MIER2: variants seen among roughly 807,000 people sequenced by gnomAD.
MIER2 encodes mesoderm induction early response protein 2.
MIER2 carries 30 observed loss-of-function variants against 67.6 expected under a neutral mutation model. The ratio of observed to expected loss-of-function variants is 0.44; its 90% confidence interval spans 0.33 to 0.60. MIER2 has a LOEUF of 0.60. MIER2 is among the 20% of genes least tolerant of loss of function. MIER2 has a pLI of 0.02. For synonymous variants in MIER2, 372 were observed against 312.6 expected (o/e 1.19, Z -2.00); for missense variants, 702 against 745.1 (o/e 0.94, Z 0.67).
At position 342,474 on chromosome 19, in the gene MIER2, A is replaced by G. The variant is rs114612431; in HGVS notation, c.9+2300T>C. 5.7e-3 allele frequency among the ~76,000 whole-genome samples: 860 copies of G among 152,020 alleles called. 8 individuals carry two copies. Among genetic ancestry groups the G allele is most frequent in the African/African-American group, 0.019 (807 of 41,440 alleles). ...AGCCCAGGGCCCTAGAGTAGGGGGCAGATCCGTGGGGACCACCTCACAGGG... is the reference window on the plus strand; with the variant it reads ...AGCCCAGGGCCCTAGAGTAGGGGGCGGATCCGTGGGGACCACCTCACAGGG... On this transcript the variant is annotated intron_variant, in intron 1 of 13. Coordinates refer to ENST00000264819, the MANE Select transcript of MIER2 (RefSeq NM_017550.3).
At chr19:319,314 A>G (rs1197502766) in intron 7 of MIER2, among the ~76,000 whole-genome samples, 1 of 151,622 alleles carries the variant, frequency 6.6e-6, no homozygotes, top group Non-Finnish European at 1.5e-5. Flanking sequence ...GTGAGTCAAT[A>G]TTGCACCACT....
intron 3 of MIER2, among the ~76,000 whole-genome samples, chr19:333,960 G>T (rs1972131403): frequency 6.6e-6 from 1 of 152,234 alleles, no homozygotes; most frequent in East Asian, 1.9e-4. Context: ...CCAAAGTGCT[G>T]GGATTACAGG....
intron 7 of MIER2, among the ~76,000 whole-genome samples, chr19:317,730 CAA>C (rs10710807): frequency 2.1e-4 from 18 of 84,318 alleles, no homozygotes; most frequent in South Asian, 3.5e-4. Flanking sequence ...GACTCTGTCT[CAA>C]AAAAAAAAAA....
chr19:334,209 G>A (rs907437296), intron 3 of MIER2, 191 bp downstream of exon 3: 19 of 725,548 alleles, frequency 2.6e-5, no homozygotes, highest in Non-Finnish European at 3.8e-5. Context: ...CTTGACCACC[G>A]TGCTGCTCAG....
chr19:334,381 G>T lies in MIER2; in HGVS notation c.243+19C>A. ...AGGGCTCCACCCAACACAGGGGCAG[G>T]ATCACCTTGGCCAAGTACCTGGGAG... On this transcript the variant is annotated intron_variant, in intron 3 of 13. Coordinates refer to ENST00000264819, the MANE Select transcript of MIER2 (RefSeq NM_017550.3). 1 of 1,613,790 alleles carries T rather than the reference G, an allele frequency of 6.2e-7. No homozygotes were observed. The highest frequency in any genetic ancestry group is 1.1e-5 in the South Asian group (1 of 91,052).
At chr19:323,761 C>A (rs1023551140) in intron 7 of MIER2, among the ~76,000 whole-genome samples, 2 of 151,242 alleles carry the variant, frequency 1.3e-5, no homozygotes, top group African/African-American at 4.9e-5. Context: ...ATGCAATACA[C>A]AGGACACACA....
chr19:315,589 C>CT (rs1356045369), intron 7 of MIER2, among the ~76,000 whole-genome samples: 1 of 152,186 alleles, frequency 6.6e-6, no homozygotes, highest in African/African-American at 2.4e-5. Flanking sequence ...CACTGAACAG[C>CT]TTTTTTACCA....
intron 7 of MIER2, among the ~76,000 whole-genome samples, chr19:316,186 C>T (rs1230984683): frequency 6.6e-6 from 1 of 152,146 alleles, no homozygotes; most frequent in Non-Finnish European, 1.5e-5. Flanking sequence ...GGAAGTTCTT[C>T]CGGCTGAAGG....
In MIER2 at chr19:334,481, G is replaced by A. The variant is rs937578332; in HGVS notation, c.162C>T (p.Tyr54=). 6.2e-7 allele frequency: 1 copy of A among 1,614,048 alleles called. No homozygotes were observed. The highest frequency in any genetic ancestry group is 1.3e-5 in the African/African-American group (1 of 74,924). The stretch of plus-strand genomic sequence containing the variant: ...CCTCCTCGCACTCCCCCCTAACACT[G>A]TAGTTCTGTGACAGGATCTCTGCGA... ...FNLAEILSQN[Y]SVRGECEEAS... Residue 54 remains tyrosine, a synonymous_variant, in exon 3 of 14, where the codon TAC becomes TAT. Transcript: ENST00000264819.
intron 7 of MIER2, among the ~76,000 whole-genome samples, chr19:325,295 C>A (rs1971689169): frequency 6.6e-6 from 1 of 152,326 alleles, no homozygotes; most frequent in African/African-American, 2.4e-5. Context: ...ACCATCTAAC[C>A]CGGCACAGAG....
chr19:316,937 C>T (rs1027157024), intron 7 of MIER2, among the ~76,000 whole-genome samples: 17 of 152,092 alleles, frequency 1.1e-4, no homozygotes, highest in African/African-American at 4.1e-4. Flanking sequence ...CCACTGTACT[C>T]CAGCCTGGGC....
At chr19:313,832 C>T (rs935542124) in intron 7 of MIER2, among the ~76,000 whole-genome samples, 189 bp from the exon 8 acceptor site, 7 of 152,148 alleles carry the variant, frequency 4.6e-5, no homozygotes, top group East Asian at 1.9e-4. Context: ...ATTCAACTAC[C>T]GAGTGGGTCC....
rs955433802 is a variant in MIER2 at position 311,709 on chromosome 19, T to C, written c.984+136A>G. The C allele has an allele frequency of 8.0e-6, 6 of 750,230 alleles. No individual in the cohort carries two copies. The East Asian group carries it at 8.1e-5, about 10-fold the overall frequency. The allele number at this position is 750,230 out of a possible 1,614,324, so 46.5% of individuals were successfully genotyped here. On this transcript the variant is annotated intron_variant, in intron 10 of 13. Transcript: ENST00000264819. ...TAGCAAAAAATGCAGAAGACAGCAATGGGCACACGGTGAGGAGGCGGACAC... is the reference window on the plus strand; with the variant it reads ...TAGCAAAAAATGCAGAAGACAGCAACGGGCACACGGTGAGGAGGCGGACAC...
At chr19:318,973 C>T (rs867772091) in intron 7 of MIER2, among the ~76,000 whole-genome samples, 58 of 144,370 alleles carry the variant, frequency 4.0e-4, no homozygotes, top group African/African-American at 1.3e-3. Flanking sequence ...AGGAGAATGG[C>T]GTGAACCCAG....
chr19:334,594 C>A, intron 2 of MIER2, 52 bp from the exon 3 acceptor site: 1 of 1,588,666 alleles, frequency 6.3e-7, no homozygotes, highest in Non-Finnish European at 8.6e-7. Context: ...CTGTCCCAAC[C>A]ATCCTGCCGA....
At chr19:344,195 C>T in intron 1 of MIER2, 1 of 985,438 alleles carries the variant, frequency 1.0e-6, no homozygotes, top group Non-Finnish European at 1.2e-6. Flanking sequence ...CAGACCCACC[C>T]ACCCTGCGCC....
chr19:307,597 T>A lies in MIER2; in HGVS notation c.1199-61A>T, dbSNP rs946986627. On this transcript the variant is annotated intron_variant, in intron 12 of 13. Coordinates refer to ENST00000264819, the MANE Select transcript of MIER2 (RefSeq NM_017550.3). The stretch of plus-strand genomic sequence containing the variant: ...CCACAGCCGCGGATCCTGTGCAGGC[T>A]CCTGCCTAACTTTGCTGGGTCCAGC... 8.4e-6 allele frequency: 12 copies of A among 1,434,666 alleles called. No homozygotes were observed. In the African/African-American group the frequency reaches 1.7e-4, roughly 20 times the overall value. 88.9% of individuals were successfully genotyped at this position (1,434,666 alleles called of 1,614,324 possible).
intron 1 of MIER2, chr19:344,046 T>C (rs1355059369): frequency 3.0e-6 from 3 of 985,306 alleles, no homozygotes; most frequent in East Asian, 2.3e-4. Context: ...TTCCAAAATA[T>C]AGCTGGTCCC....
rs779870527 is a variant in MIER2, at chr19:327,176, C to G, written c.450G>C (p.Val150=). 1 of 1,596,198 alleles carries G rather than the reference C, an allele frequency of 6.3e-7. No homozygotes were observed. The highest frequency in any genetic ancestry group is 1.1e-5 in the South Asian group (1 of 87,668). ...QSSADDLTPS[V]TSHEASDLFP... ...AGAGGTCGGAGGCCTCGTGGGAGGT[C>G]ACGGACGGGGTGAGGTCGTCAGCAG... The change falls in exon 5 of 14, where the codon GTG becomes GTC. Residue 150 remains valine, a synonymous_variant. Transcript: ENST00000264819.
Sources: allele counts gnomAD v4.1 joint callset (sites outside exome capture counted in the v4.1 genomes callset), GRCh38; gene constraint gnomAD v4.1.1; transcripts MANE v1.5; gene names NCBI Gene and HGNC (gene_info 2026-07-23, HGNC 2026-07-21).